The following GRIP1 variants were observed in gnomAD, a reference collection of about 807,000 sequenced individuals.
GRIP1 encodes glutamate receptor interacting protein 1.
GRIP1 carries 45 observed loss-of-function variants against 129.9 expected under a neutral mutation model. The observed-to-expected ratio is 0.35, with a 90% CI of 0.27 to 0.44. The LOEUF is 0.44. Ranked by LOEUF, GRIP1 falls within the 20% of genes least tolerant of loss-of-function variation. The pLI is 1.00. For synonymous variants in GRIP1, 530 were observed against 520.8 expected (o/e 1.02, Z -0.24); for missense variants, 1,196 against 1,396.8 (o/e 0.86, Z 2.29).
chr12:67,057,606 T>C (rs566742343), intron 1 of GRIP1, among the ~76,000 whole-genome samples: 1 of 152,248 alleles, frequency 6.6e-6, no homozygotes, highest in Admixed American at 6.5e-5. Flanking sequence ...AATGCTATTA[T>C]CATAATTTTA....
intron 23 of GRIP1, among the ~76,000 whole-genome samples, chr12:66,359,539 C>T (rs147825621): frequency 6.6e-6 from 1 of 152,300 alleles, no homozygotes; most frequent in East Asian, 1.9e-4. Context: ...ACTTCAAGGT[C>T]ACAGTTATTG....
chr12:66,408,960 A>G (rs1442460216), intron 15 of GRIP1, among the ~76,000 whole-genome samples: 1 of 151,936 alleles, frequency 6.6e-6, no homozygotes, highest in East Asian at 1.9e-4. Context: ...AAAGGATGGG[A>G]AGGACTTTGT....
intron 1 of GRIP1, among the ~76,000 whole-genome samples, chr12:66,937,391 G>A (rs2041504049): frequency 6.6e-6 from 1 of 152,212 alleles, no homozygotes; most frequent in African/African-American, 2.4e-5. Flanking sequence ...GGTCTGTGTT[G>A]TGTGTCCACT....
intron 1 of GRIP1, among the ~76,000 whole-genome samples, chr12:67,058,229 C>A (rs1421933210): frequency 6.6e-6 from 1 of 152,006 alleles, no homozygotes; most frequent in Non-Finnish European, 1.5e-5. Flanking sequence ...TTTTAATGTA[C>A]CAATAGGTGA....
At chr12:66,451,752 C>CATAG (rs2058813742) in intron 11 of GRIP1, among the ~76,000 whole-genome samples, 1 of 152,096 alleles carries the variant, frequency 6.6e-6, no homozygotes, top group African/African-American at 2.4e-5. Flanking sequence ...GTCAACCTGC[C>CATAG]ATAGACCTAA....
chr12:66,948,889 T>C (rs928000163), intron 1 of GRIP1, among the ~76,000 whole-genome samples: 1 of 152,212 alleles, frequency 6.6e-6, no homozygotes, highest in Admixed American at 6.5e-5. Flanking sequence ...TAACAAATTG[T>C]AGAGTTTTAT....
chr12:66,754,488 C>T (rs764292541), intron 1 of GRIP1, among the ~76,000 whole-genome samples: 4 of 152,068 alleles, frequency 2.6e-5, no homozygotes, highest in Non-Finnish European at 4.4e-5. Context: ...GATTAAGTTG[C>T]GGGTTTAAAT....
At chr12:66,462,183 G>A (rs768838645) in intron 9 of GRIP1, among the ~76,000 whole-genome samples, 17 of 152,170 alleles carry the variant, frequency 1.1e-4, no homozygotes, top group Non-Finnish European at 2.1e-4. Flanking sequence ...CAGACAAGAT[G>A]TTTGCTCAGA....
At chr12:66,987,857 G>T (rs185029598) in intron 1 of GRIP1, among the ~76,000 whole-genome samples, 2 of 152,246 alleles carry the variant, frequency 1.3e-5, no homozygotes, top group Admixed American at 1.3e-4. Flanking sequence ...TTTCAGGAAT[G>T]CCCGGTCAAC....
intron 1 of GRIP1, among the ~76,000 whole-genome samples, chr12:66,995,804 T>C (rs961516584): frequency 1.3e-5 from 2 of 152,150 alleles, no homozygotes; most frequent in Non-Finnish European, 2.9e-5. Flanking sequence ...CATATGACAC[T>C]GCAATTTCAC....
intron 1 of GRIP1, among the ~76,000 whole-genome samples, chr12:67,068,865 C>A (rs1329533725): frequency 1.1e-5 from 1 of 94,908 alleles, no homozygotes. Context: ...CCCCCCCCCC[C>A]CCCGCAAAAA....
intron 1 of GRIP1, among the ~76,000 whole-genome samples, chr12:66,758,766 C>A (rs2037379358): frequency 6.6e-6 from 1 of 152,172 alleles, no homozygotes; most frequent in Non-Finnish European, 1.5e-5. Flanking sequence ...CAAAATCCAG[C>A]AGGGCAGTCA....
chr12:67,012,451 T>C (rs1405782973), intron 1 of GRIP1, among the ~76,000 whole-genome samples: 1 of 152,134 alleles, frequency 6.6e-6, no homozygotes, highest in African/African-American at 2.4e-5. Context: ...TGTTAGGAGG[T>C]TGAGCCAGAA....
intron 1 of GRIP1, among the ~76,000 whole-genome samples, chr12:66,730,387 T>C (rs1246463208): frequency 2.0e-5 from 3 of 152,172 alleles, no homozygotes; most frequent in Non-Finnish European, 4.4e-5. Flanking sequence ...ATTTGAATTG[T>C]GTGTATGTAG....
chr12:66,577,142 A>C (rs533690416), intron 2 of GRIP1, among the ~76,000 whole-genome samples: 1 of 152,216 alleles, frequency 6.6e-6, no homozygotes, highest in African/African-American at 2.4e-5. Context: ...AACATATTTT[A>C]TCTGGTTTAA....
At chr12:66,858,560 A>G (rs1205967724) in intron 1 of GRIP1, among the ~76,000 whole-genome samples, 1 of 151,976 alleles carries the variant, frequency 6.6e-6, no homozygotes, top group Non-Finnish European at 1.5e-5. Flanking sequence ...TCTCTAGGAA[A>G]CACTTCATTT....
At chr12:66,869,502 G>A (rs185761343) in intron 1 of GRIP1, among the ~76,000 whole-genome samples, 4 of 152,228 alleles carry the variant, frequency 2.6e-5, no homozygotes, top group African/African-American at 7.2e-5. Flanking sequence ...TGTCTCTGTT[G>A]CAGCTGACCT....
intron 13 of GRIP1, 30 bp from the exon 14 acceptor site, chr12:66,432,658 A>C (rs2058183715): frequency 8.0e-7 from 1 of 1,242,280 alleles, no homozygotes; most frequent in Non-Finnish European, 1.2e-6. Flanking sequence ...GAATGTGTTA[A>C]TAGAACACTG....
intron 1 of GRIP1, among the ~76,000 whole-genome samples, chr12:66,692,823 A>G (rs1231197806): frequency 6.6e-6 from 1 of 152,178 alleles, no homozygotes; most frequent in Non-Finnish European, 1.5e-5. Flanking sequence ...CTAGGAAATG[A>G]GCTACGACAA....
Sources: gnomAD v4.1 joint callset for allele counts (sites outside exome capture counted in the v4.1 genomes callset) on GRCh38, gnomAD v4.1.1 for gene constraint, MANE v1.5 for transcripts, NCBI Gene and HGNC (gene_info 2026-07-23, HGNC 2026-07-21) for gene names.